Variants in RASA2 observed in about 807,000 individuals in gnomAD.
RASA2 encodes the protein RAS p21 protein activator 2, also known as ras GTPase-activating protein 2.
Under a neutral mutation model 118.2 loss-of-function variants are expected in RASA2, and 155 were observed. The observed-to-expected ratio is 1.31, with a 90% CI of 1.15 to 1.50. The LOEUF (loss-of-function observed/expected upper bound fraction) is 1.50, where lower values mean the gene tolerates loss of function less well. Ranked by LOEUF, RASA2 falls within the 40% of genes most tolerant of loss-of-function variation. RASA2 has a pLI of 0.00. For synonymous variants in RASA2, 353 were observed against 349.1 expected, an observed-to-expected ratio of 1.01 and a Z score of -0.12; for missense variants, 1,016 against 1,009.6, an observed-to-expected ratio of 1.01 and a Z score of -0.09.
At position 141,559,589 on chromosome 3, in the gene RASA2, T is replaced by C. The variant is rs561994497; in HGVS notation, c.762-305T>C. Among the ~76,000 whole-genome samples the C allele has an allele frequency of 7.9e-5, 12 of 152,218 alleles. No homozygotes were observed. The South Asian group carries it at 1.2e-3, about 16-fold the overall frequency. The stretch of plus-strand genomic sequence containing the variant: ...AATCTAGAGAGAAACTGTAGTCTTA[T>C]TGTAGTTTCTTTCTGTAGTCCTTAT... On this transcript the variant is annotated intron_variant, in intron 8 of 23. Transcript: ENST00000286364.
chr3:141,510,988 C>T (rs1444304019), intron 1 of RASA2, among the ~76,000 whole-genome samples: 1 of 152,086 alleles, frequency 6.6e-6, no homozygotes, highest in Non-Finnish European at 1.5e-5. Flanking sequence ...GAAGCAGGGG[C>T]ACCAGTTAGG....
intron 3 of RASA2, chr3:141,525,003 A>G (rs1265106714): frequency 2.0e-5 from 3 of 152,192 alleles, no homozygotes; most frequent in African/African-American, 7.2e-5. Context: ...TTCTAAGAAT[A>G]TATTGTATCT....
At chr3:141,579,124 G>T (rs1051143583) in intron 15 of RASA2, among the ~76,000 whole-genome samples, 11 of 152,092 alleles carry the variant, frequency 7.2e-5, no homozygotes, top group Admixed American at 7.2e-4. Flanking sequence ...GTGGGGGTTG[G>T]GGGGATACTA....
At chr3:141,522,698 T>TA (rs1485523426) in intron 3 of RASA2, among the ~76,000 whole-genome samples, 5 of 152,114 alleles carry the variant, frequency 3.3e-5, no homozygotes, top group Non-Finnish European at 7.3e-5. Context: ...CCTCTGTGCT[T>TA]GAGATGCGGG....
chr3:141,609,817 C>T lies in RASA2; in HGVS notation c.2330-60C>T, dbSNP rs1577836301. 2.8e-6 allele frequency: 4 copies of T among 1,423,496 alleles called. No individual in the cohort carries two copies. In the Admixed American group the frequency reaches 7.4e-5, roughly 26 times the overall value. 88.2% of individuals were successfully genotyped at this position (1,423,496 alleles called of 1,614,324 possible). ...ACTTGAAAAATTCTTATTTGTACTA[C>T]ATATTGCATTTATAGAATTTAGTTG... On this transcript the variant is annotated intron_variant, in intron 22 of 23. Coordinates refer to ENST00000286364, the MANE Select transcript of RASA2 (RefSeq NM_006506.5).
At chr3:141,557,319 T>C (rs1164720801) in intron 7 of RASA2, among the ~76,000 whole-genome samples, 1 of 152,048 alleles carries the variant, frequency 6.6e-6, no homozygotes, top group Non-Finnish European at 1.5e-5. Flanking sequence ...TAAAATGCAG[T>C]AGATATTGGG....
At position 141,512,190 on chromosome 3, in the gene RASA2, T is replaced by C. The variant is rs1244189288; in HGVS notation, c.161T>C (p.Leu54Pro). The change falls in exon 2 of 24, where the codon CTT becomes CCT. Residue 54 changes from leucine to proline, a missense_variant. By Grantham distance (98) the Leu-to-Pro change is moderately conservative (BLOSUM62 -3). Coordinates refer to ENST00000286364, the MANE Select transcript of RASA2 (RefSeq NM_006506.5). ...GAAGCAAAAAATTTATTGCCATATC[T>C]TGGACCCCACAAAATGAGAGATTGT... is the stretch of plus-strand genomic sequence containing the variant. ...ICEAKNLLPY[L>P]GPHKMRDCFC... The C allele has an allele frequency of 1.9e-6, 3 of 1,607,226 alleles. No homozygotes were observed. The highest frequency in any genetic ancestry group is 3.4e-5 in the Admixed American group (2 of 58,424).
At chr3:141,491,122 A>G (rs1374521376) in intron 1 of RASA2, among the ~76,000 whole-genome samples, 1 of 152,258 alleles carries the variant, frequency 6.6e-6, no homozygotes, top group Non-Finnish European at 1.5e-5. Flanking sequence ...GGCGTTAGCC[A>G]GCTCACTTAT....
chr3:141,508,960 A>T (rs973143145), intron 1 of RASA2, among the ~76,000 whole-genome samples: 3 of 152,164 alleles, frequency 2.0e-5, no homozygotes, highest in Admixed American at 6.5e-5. Flanking sequence ...GCTTGATGTA[A>T]AGTGTGGCTC....
intron 5 of RASA2, among the ~76,000 whole-genome samples, chr3:141,542,056 C>T (rs1173789187): frequency 6.6e-6 from 1 of 150,990 alleles, no homozygotes; most frequent in Non-Finnish European, 1.5e-5. Flanking sequence ...TTTTGTGCCC[C>T]TTCCCCCCAA....
intron 1 of RASA2, among the ~76,000 whole-genome samples, chr3:141,487,587 A>G (rs748829338): frequency 1.3e-5 from 2 of 151,706 alleles, no homozygotes; most frequent in Non-Finnish European, 2.9e-5. Flanking sequence ...GGCCGCCCTC[A>G]GACTCAGGCC....
intron 9 of RASA2, among the ~76,000 whole-genome samples, chr3:141,569,086 T>G (rs983171573): frequency 4.1e-4 from 62 of 152,128 alleles, no homozygotes; most frequent in Non-Finnish European, 4.9e-4. Flanking sequence ...TTTCTGGTTA[T>G]AGTTAAGTAA....
chr3:141,597,945 T>G (rs928933741), intron 19 of RASA2, among the ~76,000 whole-genome samples: 4 of 152,296 alleles, frequency 2.6e-5, no homozygotes, highest in African/African-American at 9.6e-5. Context: ...TTTATATCAA[T>G]AAATTTGACA....
At chr3:141,528,752 A>G (rs1307171838) in intron 3 of RASA2, among the ~76,000 whole-genome samples, 1 of 151,900 alleles carries the variant, frequency 6.6e-6, no homozygotes, top group African/African-American at 2.4e-5. Context: ...TTGACAGAAA[A>G]ATTTCTTTAC....
At chr3:141,507,451 G>A (rs972137414) in intron 1 of RASA2, among the ~76,000 whole-genome samples, 2 of 152,188 alleles carry the variant, frequency 1.3e-5, no homozygotes, top group Admixed American at 6.5e-5. Flanking sequence ...CACCAAGAGA[G>A]TTATTGCCTC....
intron 19 of RASA2, chr3:141,600,676 A>G (rs1329435875): frequency 6.4e-6 from 1 of 156,406 alleles, no homozygotes; most frequent in East Asian, 1.9e-4. Flanking sequence ...CCACAACTAG[A>G]GTCCCACCAC....
intron 9 of RASA2, among the ~76,000 whole-genome samples, chr3:141,560,880 A>G (rs974572587): frequency 3.9e-5 from 6 of 152,146 alleles, no homozygotes; most frequent in Non-Finnish European, 8.8e-5. Context: ...ATCTGTTCCT[A>G]AAAGAGCCTG....
chr3:141,563,899 CAG>C (rs370281031), intron 9 of RASA2, among the ~76,000 whole-genome samples: 1 of 151,260 alleles, frequency 6.6e-6, no homozygotes, highest in African/African-American at 2.4e-5. Flanking sequence ...AAAAGAGAAT[CAG>C]AGAGTTCCCT....
intron 1 of RASA2, among the ~76,000 whole-genome samples, chr3:141,501,113 C>T (rs1367634981): frequency 6.6e-6 from 1 of 152,150 alleles, no homozygotes; most frequent in Non-Finnish European, 1.5e-5. Flanking sequence ...TCTAGATGGT[C>T]ACAAATTATT....
Sources: gnomAD v4.1 joint callset for allele counts (sites outside exome capture counted in the v4.1 genomes callset) on GRCh38, gnomAD v4.1.1 for gene constraint, MANE v1.5 for transcripts, NCBI Gene and HGNC (gene_info 2026-07-23, HGNC 2026-07-21) for gene names.